Variants in XDH observed in about 807,000 individuals in gnomAD.
The protein encoded by XDH is xanthine dehydrogenase.
Under a neutral mutation model 156.1 loss-of-function variants are expected in XDH, and 138 were observed. The observed-to-expected ratio is 0.88, with a 90% CI of 0.77 to 1.02. XDH has a LOEUF of 1.02. Among genes scored for constraint, XDH ranks in the 50% least tolerant of loss-of-function variants. The pLI is 0.00. For synonymous variants in XDH, 669 were observed against 625.7 expected (o/e 1.07, Z -1.03); for missense variants, 1,849 against 1,684.9 (o/e 1.10, Z -1.71).
At chr2:31,355,759 A>C (rs1202596402) in intron 24 of XDH, among the ~76,000 whole-genome samples, 3 of 152,192 alleles carry the variant, frequency 2.0e-5, no homozygotes, top group Non-Finnish European at 4.4e-5. Flanking sequence ...ATAAAGTGGC[A>C]GTCTTATGCC....
chr2:31,341,279 G>A (rs1168091021), intron 33 of XDH, 50 bp downstream of exon 33: 47 of 1,521,570 alleles, frequency 3.1e-5, no homozygotes, highest in Non-Finnish European at 4.2e-5. Flanking sequence ...AGGGGAATGG[G>A]GTGCATCGGT....
chr2:31,370,550 C>T (rs1686045061), intron 17 of XDH, 72 bp from the exon 18 acceptor site: 1 of 1,594,120 alleles, frequency 6.3e-7, no homozygotes, highest in Non-Finnish European at 8.6e-7. Context: ...GGTTGGACAA[C>T]CCTGTTCTTA....
At chr2:31,391,423 G>A (rs981573165) in intron 6 of XDH, among the ~76,000 whole-genome samples, 1 of 152,030 alleles carries the variant, frequency 6.6e-6, no homozygotes, top group Admixed American at 6.5e-5. Context: ...TCTTGAAATT[G>A]GGTAGTGTCA....
At chr2:31,412,529 G>GC (rs1211519952) in intron 1 of XDH, among the ~76,000 whole-genome samples, 4 of 152,092 alleles carry the variant, frequency 2.6e-5, no homozygotes, top group Non-Finnish European at 5.9e-5. Flanking sequence ...TATACCTAAT[G>GC]TAAATGACGA....
At chr2:31,350,987 A>G (rs45612243) in intron 24 of XDH, among the ~76,000 whole-genome samples, 2,357 of 152,280 alleles carry the variant, frequency 0.015, 62 homozygotes, top group African/African-American at 0.054. Flanking sequence ...AGCTATTTAG[A>G]TAAACTTATA....
In XDH at chr2:31,382,900, A is replaced by G. The variant is rs566811531; in HGVS notation, c.1038+101T>C. The G allele has an allele frequency of 3.8e-6, 6 of 1,566,176 alleles. No homozygotes were observed. The African/African-American group carries it at 5.4e-5, about 14-fold the overall frequency. On this transcript the variant is annotated intron_variant, in intron 11 of 35. Coordinates refer to ENST00000379416, the MANE Select transcript of XDH (RefSeq NM_000379.4). The stretch of plus-strand genomic sequence containing the variant: ...CCTCCCAGGCAACTCTAAGCGCTAA[A>G]GTTTGAGGCCCACTGCACTGACACA...
Position 31,372,327 on chromosome 2 carries a change from T to A in XDH, c.1757A>T (p.Gln586Leu). Residue 586 changes from glutamine (Q) to leucine (L), a missense_variant, in exon 17 of 36, where the codon CAG becomes CTG. Transcript: ENST00000379416. ...RPLPHLAADM[Q>L]ASGEAVYCDD... Reference sequence around the variant, plus strand: ...ACAGTACACGGCCTCACCAGAGGCCTGCATGTCCGCTGCCAGGTGGGGCAG... The same window carrying A: ...ACAGTACACGGCCTCACCAGAGGCCAGCATGTCCGCTGCCAGGTGGGGCAG... 6.2e-7 allele frequency: 1 copy of A among 1,614,198 alleles called. No individual in the cohort carries two copies.
chr2:31,407,551 G>A (rs139438864), intron 1 of XDH, among the ~76,000 whole-genome samples: 17 of 152,298 alleles, frequency 1.1e-4, no homozygotes, highest in Admixed American at 3.9e-4. Context: ...CATGAGACAT[G>A]CATGCAAATA....
chr2:31,367,078 A>G (rs1685934974), intron 20 of XDH, 84 bp from the exon 21 acceptor site: 1 of 1,606,436 alleles, frequency 6.2e-7, no homozygotes, highest in African/African-American at 1.3e-5. Flanking sequence ...TACTCTGCCA[A>G]GTGGTCTGGG....
chr2:31,346,891 C>A, intron 29 of XDH, 48 bp from the exon 30 acceptor site: 1 of 1,612,708 alleles, frequency 6.2e-7, no homozygotes, highest in Non-Finnish European at 8.5e-7. Flanking sequence ...CCTCTGCATT[C>A]TGTAGCCCAG....
At chr2:31,382,051 T>C (rs1478222396) in intron 11 of XDH, among the ~76,000 whole-genome samples, 2 of 152,140 alleles carry the variant, frequency 1.3e-5, no homozygotes, top group Non-Finnish European at 2.9e-5. Flanking sequence ...CATATAGACT[T>C]AGTAAAATAG....
chr2:31,364,163 G>C lies in XDH; in HGVS notation c.2626C>G (p.Gln876Glu), dbSNP rs140982129. The change falls in exon 24 of 36, where the codon CAG (glutamine) becomes GAG (glutamate). Residue 876 changes from glutamine (Q) to glutamate (E), a missense_variant. Gln to Glu is a conservative substitution (Grantham distance 29). Transcript: ENST00000379416. Reference protein sequence around the residue: ...SNVGNTQDLSQSIMERALFHM... With the variant: ...SNVGNTQDLSESIMERALFHM... ...CGGCTGCAGGTCCTACTCACACTCT[G>C]AGAGAGATCCTGGGTGTTCCCCACA... 1 of 1,614,014 alleles carries C rather than the reference G, an allele frequency of 6.2e-7. No homozygotes were observed. The highest frequency in any genetic ancestry group is 8.5e-7 in the Non-Finnish European group (1 of 1,180,008).
intron 2 of XDH, among the ~76,000 whole-genome samples, chr2:31,403,937 G>A (rs1322848359): frequency 1.3e-5 from 2 of 151,996 alleles, no homozygotes; most frequent in African/African-American, 4.8e-5. Context: ...GGATATAATC[G>A]CCTGGTCACT....
chr2:31,349,892 C>T, intron 25 of XDH, 61 bp from the exon 26 acceptor site: 41 of 1,612,384 alleles, frequency 2.5e-5, no homozygotes, highest in Non-Finnish European at 3.5e-5. Flanking sequence ...GGGCAGGGCA[C>T]AACCTAAAGT....
At chr2:31,339,431 G>A (rs144099349) in intron 34 of XDH, 58 bp downstream of exon 34, 113 of 1,609,278 alleles carry the variant, frequency 7.0e-5, no homozygotes, top group Middle Eastern at 4.2e-4. Flanking sequence ...CTCATCACCC[G>A]CTGGGGCCTC....
chr2:31,386,383 G>T (rs200459568), intron 9 of XDH, 31 bp downstream of exon 9: 572 of 1,608,640 alleles, frequency 3.6e-4, no homozygotes, highest in Non-Finnish European at 4.4e-4. Context: ...AGACCCCCTG[G>T]CAGCCCCAGG....
chr2:31,400,046 C>T (rs1224972512), intron 4 of XDH, among the ~76,000 whole-genome samples: 1 of 152,094 alleles, frequency 6.6e-6, no homozygotes, highest in Non-Finnish European at 1.5e-5. Flanking sequence ...CTCTTCCTGC[C>T]TAAGAAACAA....
At chr2:31,366,814 G>T (rs1685925989) in intron 21 of XDH, 56 bp downstream of exon 21, 3 of 1,612,128 alleles carry the variant, frequency 1.9e-6, no homozygotes, top group South Asian at 2.2e-5. Context: ...CTCCTGGTCT[G>T]CTAGGAGCTC....
At chr2:31,400,387 C>T (rs974323031) in intron 4 of XDH, among the ~76,000 whole-genome samples, 11 of 151,912 alleles carry the variant, frequency 7.2e-5, no homozygotes, top group Non-Finnish European at 1.6e-4. Flanking sequence ...TACAGGCGCC[C>T]GCCACTCCGC....
Sources: gnomAD v4.1 joint callset for allele counts (sites outside exome capture counted in the v4.1 genomes callset) on GRCh38, gnomAD v4.1.1 for gene constraint, MANE v1.5 for transcripts, NCBI Gene and HGNC (gene_info 2026-07-23, HGNC 2026-07-21) for gene names.